FRAS1: variants seen among roughly 807,000 people sequenced by gnomAD.
FRAS1 encodes extracellular matrix organizing protein FRAS1.
Under a neutral mutation model 435.2 loss-of-function variants are expected in FRAS1, and 290 were observed. That is an observed-to-expected ratio of 0.67 (90% CI 0.61 to 0.73). The LOEUF is 0.73. Among genes scored for constraint, FRAS1 ranks in the 30% least tolerant of loss-of-function variants. The pLI is 0.00. For missense variants in FRAS1, 4,860 were observed against 5,001.5 expected (o/e 0.97, Z 0.85); for synonymous variants, 1,800 against 1,851.0 (o/e 0.97, Z 0.71).
At chr4:78,325,127 G>C (rs1031712262) in intron 18 of FRAS1, among the ~76,000 whole-genome samples, 3 of 152,150 alleles carry the variant, frequency 2.0e-5, no homozygotes, top group African/African-American at 7.2e-5. Flanking sequence ...ATTGTACTTA[G>C]ATTGGTGATG....
At chr4:78,264,068 A>G (rs188551879) in intron 6 of FRAS1, among the ~76,000 whole-genome samples, 8 of 152,318 alleles carry the variant, frequency 5.3e-5, no homozygotes, top group Admixed American at 4.6e-4. Context: ...TTCCAGATTT[A>G]TCTTCTGTAT....
intron 18 of FRAS1, among the ~76,000 whole-genome samples, chr4:78,327,741 C>T (rs1173053746): frequency 6.6e-6 from 1 of 152,136 alleles, no homozygotes; most frequent in Non-Finnish European, 1.5e-5. Context: ...TTCAGTCTTC[C>T]TTGAAGGATC....
At chr4:78,412,857 C>A (rs2110359878) in intron 31 of FRAS1, 112 bp from the exon 32 acceptor site, 1 of 499,210 alleles carries the variant, frequency 2.0e-6, no homozygotes, top group Non-Finnish European at 3.6e-6. Flanking sequence ...AGTTGTAACG[C>A]AGGAGCATAT....
intron 1 of FRAS1, 61 bp from the exon 2 acceptor site, chr4:78,065,924 G>A (rs1278510997): frequency 2.4e-6 from 3 of 1,257,398 alleles, no homozygotes; most frequent in Non-Finnish European, 2.3e-6. Flanking sequence ...AAGCTTGCTG[G>A]GGCAGTGCCT....
Position 78,475,619 on chromosome 4 carries a change from G to C in FRAS1, c.7851+13G>C. 2.6e-6 allele frequency: 4 copies of C among 1,542,254 alleles called. No individual in the cohort carries two copies. The highest frequency in any genetic ancestry group is 2.6e-6 in the Non-Finnish European group (3 of 1,137,700). ...GTATGCTGGCCAGGTAGGTGGGGTAGTGGGGTTGGGGGAGGCTCCAGCAAG... is the reference window on the plus strand; with the variant it reads ...GTATGCTGGCCAGGTAGGTGGGGTACTGGGGTTGGGGGAGGCTCCAGCAAG... On this transcript the variant is annotated intron_variant, in intron 54 of 73. Coordinates refer to ENST00000512123, the MANE Select transcript of FRAS1 (RefSeq NM_025074.7).
intron 18 of FRAS1, among the ~76,000 whole-genome samples, chr4:78,321,114 G>A (rs1729488023): frequency 6.6e-6 from 1 of 152,126 alleles, no homozygotes. Flanking sequence ...AGTGACCAGG[G>A]TTTTTCAGCC....
chr4:78,058,981 C>T (rs1003423275), intron 1 of FRAS1, among the ~76,000 whole-genome samples: 3 of 152,332 alleles, frequency 2.0e-5, no homozygotes, highest in African/African-American at 7.2e-5. Flanking sequence ...GGAAGGGAGC[C>T]GGCGGGCTGG....
chr4:78,337,277 T>A (rs2110265181), intron 19 of FRAS1, among the ~76,000 whole-genome samples: 1 of 152,250 alleles, frequency 6.6e-6, no homozygotes, highest in South Asian at 2.1e-4. Context: ...AGAAGCAAAA[T>A]GTCCCCTTCT....
rs764218070 is a variant in FRAS1, at chr4:78,237,517, C to A, written c.116C>A (p.Thr39Lys). ...VYQDSLLADA[T>K]IWKPDSCQSC... The stretch of plus-strand genomic sequence containing the variant: ...GCTTATGCCTCTTTACAGGATGCCA[C>A]AATTTGGAAGCCCGATTCATGCCAG... The change falls in exon 3 of 74, where the codon ACA (threonine) becomes AAA (lysine). Residue 39 changes from threonine to lysine, a missense_variant. Physicochemically the swap from Thr to Lys is moderately conservative, Grantham distance 78. Coordinates refer to ENST00000512123, the MANE Select transcript of FRAS1 (RefSeq NM_025074.7). 1.9e-6 allele frequency: 3 copies of A among 1,612,784 alleles called. No individual in the cohort carries two copies. In the African/African-American group the frequency reaches 4.0e-5, roughly 22 times the overall value.
rs2109898557 is a variant in FRAS1 at position 78,526,559 on chromosome 4, G to A, written c.10827G>A (p.Glu3609=). The change falls in exon 70 of 74, where the codon GAG becomes GAA. Residue 3609 remains glutamate, a synonymous_variant. Coordinates refer to ENST00000512123, the MANE Select transcript of FRAS1 (RefSeq NM_025074.7). ...SSYNRKDYSG[E]YTIYLIPCTV... ...TTTCCAGGAAGGACTACTCAGGAGAGTACACCATCTACCTGATCCCTTGCA... is the reference window on the plus strand; with the variant it reads ...TTTCCAGGAAGGACTACTCAGGAGAATACACCATCTACCTGATCCCTTGCA... 6.3e-7 allele frequency: 1 copy of A among 1,597,236 alleles called. No individual in the cohort carries two copies. Among genetic ancestry groups the A allele is most frequent in the Non-Finnish European group, 8.5e-7 (1 of 1,171,750 alleles).
chr4:78,180,880 G>C, intron 2 of FRAS1: 1 of 1,597,822 alleles, frequency 6.3e-7, no homozygotes, highest in Non-Finnish European at 8.6e-7. Flanking sequence ...GCCAGAACTG[G>C]GAATGCCTCT....
chr4:78,489,240 T>C (rs902908308), intron 59 of FRAS1, among the ~76,000 whole-genome samples, 160 bp downstream of exon 59: 1 of 152,166 alleles, frequency 6.6e-6, no homozygotes, highest in African/African-American at 2.4e-5. Context: ...CCCCACACAG[T>C]TGAAAATTTG....
At position 78,472,327 on chromosome 4, in the gene FRAS1, C is replaced by G. The variant is rs754542023; in HGVS notation, c.7519C>G (p.Gln2507Glu). The G allele has an allele frequency of 8.7e-6, 14 of 1,605,200 alleles. No individual in the cohort carries two copies. Among genetic ancestry groups the G allele is most frequent in the South Asian group, 7.8e-5 (7 of 89,976 alleles). ...QPGRAAATFT[Q>E]EDVNLGLIRY... ...TGGCAGAGCTGCTGCCACTTTCACC[C>G]AGGGTGGGGACTCTCTGGGAACTTA... The change falls in exon 52 of 74, where the codon CAG becomes GAG. Residue 2507 changes from glutamine (Q) to glutamate (E), a missense_variant. By Grantham distance (29) the Gln-to-Glu change is conservative. Transcript: ENST00000512123.
rs1304744378 is a variant in FRAS1, at chr4:78,269,252, A to C, written c.981+1820A>C. Reference sequence around the variant, plus strand: ...GTTTCCAGGCTTTTTGGGAAGTCAGATATGTAAGCAAAAATTATAACACAG... The same window carrying C: ...GTTTCCAGGCTTTTTGGGAAGTCAGCTATGTAAGCAAAAATTATAACACAG... On this transcript the variant is annotated intron_variant, in intron 9 of 73. Coordinates refer to ENST00000512123, the MANE Select transcript of FRAS1 (RefSeq NM_025074.7). Among the ~76,000 whole-genome samples the C allele has an allele frequency of 2.6e-5, 4 of 152,218 alleles. No homozygotes were observed. In the East Asian group the frequency reaches 7.7e-4, roughly 29 times the overall value.
At chr4:78,347,980 A>AC (rs74926675) in intron 20 of FRAS1, among the ~76,000 whole-genome samples, 1 of 51,960 alleles carries the variant, frequency 1.9e-5, no homozygotes, top group Non-Finnish European at 3.8e-5. Flanking sequence ...GCTTCAAGAT[A>AC]GGGGAGGAGC....
intron 54 of FRAS1, 102 bp downstream of exon 54, chr4:78,475,708 T>C: frequency 9.0e-7 from 1 of 1,111,418 alleles, no homozygotes; most frequent in South Asian, 2.0e-5. Flanking sequence ...TGCTTTTCAC[T>C]GGTGTCCTTC....
At chr4:78,188,269 CTA>C (rs1722362869) in intron 2 of FRAS1, among the ~76,000 whole-genome samples, 1 of 11,892 alleles carries the variant, frequency 8.4e-5, no homozygotes, top group Admixed American at 1.9e-3. Context: ...GTAGGACAGT[CTA>C]TCTGTCTGTC....
At chr4:78,211,902 C>T (rs969092134) in intron 2 of FRAS1, among the ~76,000 whole-genome samples, 12 of 152,150 alleles carry the variant, frequency 7.9e-5, no homozygotes, top group Non-Finnish European at 1.8e-4. Context: ...CTTTCTCTCT[C>T]TCAAAGTTTG....
intron 39 of FRAS1, 51 bp downstream of exon 39, chr4:78,438,769 A>T (rs1734531772): frequency 6.5e-7 from 1 of 1,532,884 alleles, no homozygotes; most frequent in Non-Finnish European, 8.9e-7. Flanking sequence ...CTTGTATGAA[A>T]ATATTTCAGC....
Sources: gnomAD v4.1 joint callset for allele counts (sites outside exome capture counted in the v4.1 genomes callset) on GRCh38, gnomAD v4.1.1 for gene constraint, MANE v1.5 for transcripts, NCBI Gene and HGNC (gene_info 2026-07-23, HGNC 2026-07-21) for gene names.